CNOT11: variants seen among roughly 807,000 people sequenced by gnomAD.
CNOT11 encodes the protein CCR4-NOT transcription complex subunit 11.
CNOT11 carries 18 observed loss-of-function variants against 44.6 expected under a neutral mutation model. The observed-to-expected ratio is 0.40, with a 90% CI of 0.28 to 0.60. The LOEUF (loss-of-function observed/expected upper bound fraction) is 0.60. CNOT11 is among the 20% of genes least tolerant of loss of function. CNOT11 has a pLI of 0.38. For missense variants in CNOT11, 513 were observed against 677.0 expected (o/e 0.76, Z 2.69); for synonymous variants, 291 against 270.9 (o/e 1.07, Z -0.73).
intron 3 of CNOT11, 60 bp downstream of exon 3, chr2:101,262,751 G>C (rs540133340): frequency 1.4e-6 from 2 of 1,412,142 alleles, no homozygotes; most frequent in East Asian, 4.6e-5. Flanking sequence ...GATCCTCTAG[G>C]ACTTTTCAGT....
intron 3 of CNOT11, among the ~76,000 whole-genome samples, chr2:101,263,397 A>G (rs1281347784): frequency 6.6e-6 from 1 of 152,168 alleles, no homozygotes; most frequent in African/African-American, 2.4e-5. Context: ...AGAATTTGAA[A>G]TAATATAGCT....
rs1682075026 is a variant in CNOT11, at chr2:101,270,072, T to TA, written c.*660dup. 6.6e-6 allele frequency: 1 copy of TA among 152,422 alleles called. No individual in the cohort carries two copies. Among genetic ancestry groups the TA allele is most frequent in the African/African-American group, 2.4e-5 (1 of 41,346 alleles). The allele number at this position is 152,422 out of a possible 1,614,324, so 9.4% of individuals were successfully genotyped here. The stretch of plus-strand genomic sequence containing the variant: ...TCTATTACCAGGCTGTAATAGCTGG[T>TA]ATAGTTTTTTTTTTTTCTCTTAAGA... On this transcript the variant is annotated 3_prime_UTR_variant, in exon 7 of 7. Coordinates refer to ENST00000289382, the MANE Select transcript of CNOT11 (RefSeq NM_017546.5).
At chr2:101,254,274 T>C (rs758207402) in intron 1 of CNOT11, among the ~76,000 whole-genome samples, 3 of 152,070 alleles carry the variant, frequency 2.0e-5, no homozygotes, top group Non-Finnish European at 4.4e-5. Flanking sequence ...CACACAGAGA[T>C]AGGAAACAGC....
chr2:101,266,918 AC>A (rs777835022), intron 5 of CNOT11, 39 bp downstream of exon 5: 1 of 1,486,468 alleles, frequency 6.7e-7, no homozygotes, highest in Non-Finnish European at 9.4e-7. Context: ...GGGGATAGAT[AC>A]AGATTAGATG....
intron 3 of CNOT11, among the ~76,000 whole-genome samples, chr2:101,263,500 A>C (rs1450676428): frequency 6.6e-6 from 1 of 152,196 alleles, no homozygotes; most frequent in African/African-American, 2.4e-5. Context: ...CTCCTACCTC[A>C]GACTCCCACA....
chr2:101,256,774 C>T (rs933154808), intron 1 of CNOT11, among the ~76,000 whole-genome samples: 7 of 152,178 alleles, frequency 4.6e-5, no homozygotes, highest in Admixed American at 3.9e-4. Context: ...TTGGGCCAGG[C>T]GTGGTGGCTC....
At position 101,253,618 on chromosome 2, in the gene CNOT11, TC is replaced by T; in HGVS notation, c.514+143del. On this transcript the variant is annotated intron_variant, in intron 1 of 6. Transcript: ENST00000289382. The surrounding 1 kb of genome is among the most constrained non-coding windows in gnomAD (Gnocchi z 4.3). Reference sequence around the variant, plus strand: ...CCTCTTTTTCCGCCTCTCTCTGCGTTCCCACGCCCCTCACTCCTCCCCGCCT... The same window carrying T: ...CCTCTTTTTCCGCCTCTCTCTGCGTTCCACGCCCCTCACTCCTCCCCGCCT... The T allele has an allele frequency of 1.2e-6, 1 of 856,206 alleles. No homozygotes were observed. The highest frequency in any genetic ancestry group is 2.0e-5 in the South Asian group (1 of 50,404). The allele number at this position is 856,206 out of a possible 1,614,324, so 53.0% of individuals were successfully genotyped here.
Position 101,253,306 on chromosome 2 carries a change from G to GC in CNOT11, c.345dup (p.Asp116ArgfsTer5). 1 of 1,609,810 alleles carries GC rather than the reference G, an allele frequency of 6.2e-7. No individual in the cohort carries two copies. Among genetic ancestry groups the GC allele is most frequent in the Non-Finnish European group, 8.5e-7 (1 of 1,179,432 alleles). On this transcript the variant is annotated frameshift_variant, in exon 1 of 7. Coordinates refer to ENST00000289382, the MANE Select transcript of CNOT11 (RefSeq NM_017546.5). LOFTEE classifies it high-confidence loss of function. The surrounding 1 kb of genome is among the most constrained non-coding windows in gnomAD (Gnocchi z 4.3). ...CGGTGCTCGTCATGCTGCTCCAGCA[G>GC]CCCGACCTGCTGCCTAGCGCGGCGC...
chr2:101,255,671 T>C (rs1206021157), intron 1 of CNOT11, among the ~76,000 whole-genome samples: 3 of 152,166 alleles, frequency 2.0e-5, no homozygotes, highest in South Asian at 2.1e-4. Context: ...CAGAATGCTT[T>C]TCAGATGACT....
intron 4 of CNOT11, among the ~76,000 whole-genome samples, chr2:101,266,064 A>G (rs1171453456): frequency 6.6e-6 from 1 of 152,244 alleles, no homozygotes; most frequent in Non-Finnish European, 1.5e-5. Flanking sequence ...GGGGAAAAAA[A>G]GCATAGGACA....
At chr2:101,267,886 C>T (rs1293533697) in intron 5 of CNOT11, among the ~76,000 whole-genome samples, 1 of 152,086 alleles carries the variant, frequency 6.6e-6, no homozygotes, top group African/African-American at 2.4e-5. Flanking sequence ...TGGGGAAATC[C>T]ATTCTGAGTG....
chr2:101,268,764 C>T (rs946590369), intron 5 of CNOT11, among the ~76,000 whole-genome samples: 1 of 152,096 alleles, frequency 6.6e-6, no homozygotes, highest in African/African-American at 2.4e-5. Flanking sequence ...CAATAACAGA[C>T]CATGACTTAG....
At chr2:101,254,723 C>G (rs992303740) in intron 1 of CNOT11, among the ~76,000 whole-genome samples, 15 of 152,098 alleles carry the variant, frequency 9.9e-5, no homozygotes, top group African/African-American at 3.6e-4. Flanking sequence ...TAGTAAGATC[C>G]TGTCTTTACA....
At chr2:101,266,962 C>A in intron 5 of CNOT11, 83 bp downstream of exon 5, 1 of 1,020,808 alleles carries the variant, frequency 9.8e-7, no homozygotes, top group Non-Finnish European at 1.5e-6. Context: ...AGATTTTTGT[C>A]TTGATATTAT....
Position 101,258,851 on chromosome 2 carries a change from A to G in CNOT11, c.679+896A>G, listed in dbSNP as rs138562397. ...AAAAAGAAAAATCCATCTTTAAACC[A>G]AAGAAAGGCTGGCATAGTAGCTCAT... On this transcript the variant is annotated intron_variant, in intron 2 of 6. Transcript: ENST00000289382. Among the ~76,000 whole-genome samples, 665 of 152,014 alleles carry G rather than the reference A, an allele frequency of 4.4e-3. 3 individuals carry two copies. The highest frequency in any genetic ancestry group is 0.015 in the African/African-American group (633 of 41,448).
At position 101,253,591 on chromosome 2, in the gene CNOT11, A is replaced by C; in HGVS notation, c.514+113A>C. ...AATTAACTATCCCTGTGAAATGATC[A>C]TCCTCTTTTTCCGCCTCTCTCTGCG... On this transcript the variant is annotated intron_variant, in intron 1 of 6. Transcript: ENST00000289382. The surrounding 1 kb of genome is among the most constrained non-coding windows in gnomAD (Gnocchi z 4.3). 4 of 1,026,414 alleles carry C rather than the reference A, an allele frequency of 3.9e-6. No homozygotes were observed. Among genetic ancestry groups the C allele is most frequent in the South Asian group, 3.8e-5 (2 of 52,014 alleles). 63.6% of individuals were successfully genotyped at this position (1,026,414 alleles called of 1,614,324 possible).
chr2:101,262,397 G>A (rs1681885738), intron 2 of CNOT11, 142 bp from the exon 3 acceptor site: 5 of 701,080 alleles, frequency 7.1e-6, no homozygotes, highest in Non-Finnish European at 7.3e-6. Context: ...CCTGCTATAC[G>A]TACAGACATA....
intron 1 of CNOT11, among the ~76,000 whole-genome samples, chr2:101,257,117 G>A (rs760380885): frequency 1.1e-4 from 17 of 152,112 alleles, no homozygotes; most frequent in Non-Finnish European, 2.1e-4. Context: ...ACCAGGCGGG[G>A]CACGGTGACT....
chr2:101,269,655 C>CA lies in CNOT11; in HGVS notation c.*249dup. The CA allele has an allele frequency of 2.9e-6, 1 of 347,272 alleles. No homozygotes were observed. The highest frequency in any genetic ancestry group is 5.1e-6 in the Non-Finnish European group (1 of 194,808). The allele number at this position is 347,272 out of a possible 1,614,324, so 21.5% of individuals were successfully genotyped here. On this transcript the variant is annotated 3_prime_UTR_variant, in exon 7 of 7. Coordinates refer to ENST00000289382, the MANE Select transcript of CNOT11 (RefSeq NM_017546.5). The surrounding 1 kb of genome is among the most constrained non-coding windows in gnomAD (Gnocchi z 4.8). ...CTATCCATAGGAGGAATGGCTATCC[C>CA]AAAAAAAGTTCCGCAAAAAAGTAGA...
Sources: allele counts gnomAD v4.1 joint callset (sites outside exome capture counted in the v4.1 genomes callset), GRCh38; gene constraint gnomAD v4.1.1; non-coding constraint Gnocchi (gnomAD v3.1); transcripts MANE v1.5; gene names NCBI Gene and HGNC (gene_info 2026-07-23, HGNC 2026-07-21).